CDK8: variants seen among roughly 807,000 people sequenced by gnomAD.
CDK8 encodes cyclin dependent kinase 8.
CDK8 carries 29 observed loss-of-function variants against 71.5 expected under a neutral mutation model. That is an observed-to-expected ratio of 0.41 (90% CI 0.30 to 0.55). CDK8 has a LOEUF of 0.55. Among genes scored for constraint, CDK8 ranks in the 20% least tolerant of loss-of-function variants. The pLI, the probability that CDK8 is intolerant of heterozygous loss-of-function variation, is 0.37. For missense variants in CDK8, 288 were observed against 572.6 expected (o/e 0.50, Z 5.07); for synonymous variants, 161 against 192.1 (o/e 0.84, Z 1.34).
chr13:26,368,254 C>T (rs894133709), intron 4 of CDK8, among the ~76,000 whole-genome samples: 4 of 152,210 alleles, frequency 2.6e-5, no homozygotes, highest in African/African-American at 7.2e-5. Context: ...TGGATTACTG[C>T]AGAAACTCCC....
chr13:26,382,786 GA>G (rs755102897), intron 4 of CDK8, 27 bp from the exon 5 acceptor site: 37 of 1,498,622 alleles, frequency 2.5e-5, no homozygotes, highest in Middle Eastern at 1.7e-4. Flanking sequence ...ACTGTCTACT[GA>G]AAAAAAACAC....
intron 2 of CDK8, among the ~76,000 whole-genome samples, chr13:26,348,808 A>C (rs185146815): frequency 6.6e-6 from 1 of 152,308 alleles, no homozygotes; most frequent in East Asian, 1.9e-4. Context: ...TGTTAGATAT[A>C]TTTTACCACA....
At chr13:26,367,083 A>G (rs540774331) in intron 4 of CDK8, among the ~76,000 whole-genome samples, 9 of 152,310 alleles carry the variant, frequency 5.9e-5, no homozygotes, top group African/African-American at 1.9e-4. Flanking sequence ...CCTTGAAGGT[A>G]GAGTCAGAAA....
intron 4 of CDK8, among the ~76,000 whole-genome samples, chr13:26,380,407 C>T (rs1389095000): frequency 6.6e-6 from 1 of 152,130 alleles, no homozygotes; most frequent in Non-Finnish European, 1.5e-5. Context: ...TCTCGAACCC[C>T]TGACCTCAGG....
At position 26,397,031 on chromosome 13, in the gene CDK8, T is replaced by C. The variant is rs1467060005; in HGVS notation, c.861-122T>C. ...TTTAATTCTACTCATTTTATGCTCA[T>C]AGTGTTTTCAATATATATTTTATAT... On this transcript the variant is annotated intron_variant, in intron 8 of 12. Transcript: ENST00000381527. 5 of 650,142 alleles carry C rather than the reference T, an allele frequency of 7.7e-6. No individual in the cohort carries two copies. The East Asian group carries it at 1.2e-4, about 15-fold the overall frequency. The allele number at this position is 650,142 out of a possible 1,614,324, so 40.3% of individuals were successfully genotyped here.
chr13:26,401,217 T>C lies in CDK8; in HGVS notation c.1032-52T>C. 7.5e-7 allele frequency: 1 copy of C among 1,331,292 alleles called. No individual in the cohort carries two copies. The highest frequency in any genetic ancestry group is 1.1e-6 in the Non-Finnish European group (1 of 936,386). The allele number at this position is 1,331,292 out of a possible 1,614,324, so 82.5% of individuals were successfully genotyped here. On this transcript the variant is annotated intron_variant, in intron 10 of 12. Transcript: ENST00000381527. This position sits in a 1 kb window ranked among gnomAD's most constrained non-coding sequence, Gnocchi z 4.5. Reference sequence around the variant, plus strand: ...AATGAGAATCTCCTAAATGAAGCATTTGGAATATTGATTAGTATACCAGAA... The same window carrying C: ...AATGAGAATCTCCTAAATGAAGCATCTGGAATATTGATTAGTATACCAGAA...
chr13:26,324,855 G>C (rs1874950360), intron 1 of CDK8: 2 of 612,604 alleles, frequency 3.3e-6, no homozygotes, highest in Non-Finnish European at 4.1e-6. Context: ...CCACATTCTA[G>C]TTCTGATAAT....
chr13:26,289,555 T>C (rs575059777), intron 1 of CDK8, among the ~76,000 whole-genome samples: 59 of 152,232 alleles, frequency 3.9e-4, no homozygotes, highest in African/African-American at 1.4e-3. Flanking sequence ...AATTTGCTTG[T>C]TTGTTTGTTT....
chr13:26,289,458 G>T (rs1277472959), intron 1 of CDK8, among the ~76,000 whole-genome samples: 2 of 152,204 alleles, frequency 1.3e-5, no homozygotes, highest in East Asian at 3.9e-4. Context: ...TATATTGTTT[G>T]TTACTTTAAT....
intron 1 of CDK8, among the ~76,000 whole-genome samples, chr13:26,266,194 A>T (rs1872011250): frequency 6.6e-6 from 1 of 152,334 alleles, no homozygotes; most frequent in South Asian, 2.1e-4. Context: ...ACTTTCAGGT[A>T]CCTGTTAAAC....
At chr13:26,309,104 TATC>T (rs1176608222) in intron 1 of CDK8, among the ~76,000 whole-genome samples, 1 of 152,076 alleles carries the variant, frequency 6.6e-6, no homozygotes, top group Non-Finnish European at 1.5e-5. Context: ...CTCCTGTCAT[TATC>T]ATCATCATTA....
chr13:26,331,351 C>T (rs1046661378), intron 1 of CDK8, among the ~76,000 whole-genome samples: 1 of 152,082 alleles, frequency 6.6e-6, no homozygotes, highest in African/African-American at 2.4e-5. Context: ...TATTAGTCCC[C>T]TCAGATGAAT....
intron 5 of CDK8, among the ~76,000 whole-genome samples, chr13:26,383,156 GTTA>G (rs1875312342): frequency 6.6e-6 from 1 of 152,192 alleles, no homozygotes; most frequent in South Asian, 2.1e-4. Flanking sequence ...TTCTATCTCT[GTTA>G]GAGGCCAGCC....
chr13:26,310,393 G>C (rs1212077390), intron 1 of CDK8, among the ~76,000 whole-genome samples: 3 of 152,158 alleles, frequency 2.0e-5, no homozygotes, highest in African/African-American at 7.2e-5. Context: ...ATGGACCAAT[G>C]GGGGCGAGGG....
At chr13:26,358,184 A>G (rs1432600503) in intron 4 of CDK8, among the ~76,000 whole-genome samples, 1 of 152,152 alleles carries the variant, frequency 6.6e-6, no homozygotes, top group East Asian at 1.9e-4. Context: ...CTGTAGTCCC[A>G]GCTACTTGGG....
intron 1 of CDK8, among the ~76,000 whole-genome samples, chr13:26,259,077 T>C (rs1162182031): frequency 6.6e-6 from 1 of 152,214 alleles, no homozygotes; most frequent in Non-Finnish European, 1.5e-5. Flanking sequence ...CTTCTGAATA[T>C]GGCTGAATGC....
At chr13:26,367,955 G>A (rs149952934) in intron 4 of CDK8, among the ~76,000 whole-genome samples, 64 of 152,194 alleles carry the variant, frequency 4.2e-4, no homozygotes, top group African/African-American at 1.5e-3. Context: ...GATTTGGCAG[G>A]GATTCTGGAC....
intron 6 of CDK8, among the ~76,000 whole-genome samples, chr13:26,391,901 T>C (rs920276282): frequency 5.3e-5 from 8 of 152,252 alleles, no homozygotes; most frequent in African/African-American, 1.9e-4. Context: ...TAAATATCTC[T>C]ATTCCAGTTT....
intron 1 of CDK8, among the ~76,000 whole-genome samples, chr13:26,259,876 G>C (rs1423952141): frequency 6.6e-6 from 1 of 152,150 alleles, no homozygotes; most frequent in Non-Finnish European, 1.5e-5. Flanking sequence ...TCCATTATTT[G>C]GGGAGATAAC....
Sources: allele counts gnomAD v4.1 joint callset (sites outside exome capture counted in the v4.1 genomes callset), GRCh38; gene constraint gnomAD v4.1.1; non-coding constraint Gnocchi (gnomAD v3.1); transcripts MANE v1.5; gene names NCBI Gene and HGNC (gene_info 2026-07-23, HGNC 2026-07-21).